Variants in IMMP2L observed in about 807,000 individuals in gnomAD.
IMMP2L encodes the protein inner mitochondrial membrane peptidase subunit 2.
Under a neutral mutation model 19.3 loss-of-function variants are expected in IMMP2L, and 18 were observed. The observed-to-expected ratio is 0.93, with a 90% CI of 0.64 to 1.38. The LOEUF is 1.38. Among genes scored for constraint, IMMP2L ranks in the 40% most tolerant of loss-of-function variants. The pLI, the probability that IMMP2L is intolerant of heterozygous loss-of-function variation, is 0.00. For synonymous variants in IMMP2L, 76 were observed against 73.0 expected, an observed-to-expected ratio of 1.04 and a Z score of -0.21; for missense variants, 233 against 218.2, an observed-to-expected ratio of 1.07 and a Z score of -0.43.
intron 3 of IMMP2L, among the ~76,000 whole-genome samples, chr7:111,208,507 G>C (rs1810963008): frequency 6.6e-6 from 1 of 152,134 alleles, no homozygotes; most frequent in Non-Finnish European, 1.5e-5. Context: ...TTACTGGCAG[G>C]TTATGAAATG....
intron 5 of IMMP2L, among the ~76,000 whole-genome samples, chr7:110,747,796 T>A (rs1797454878): frequency 6.6e-6 from 1 of 152,188 alleles, no homozygotes; most frequent in Non-Finnish European, 1.5e-5. Flanking sequence ...AATATCATAC[T>A]GAATGGGCAA....
chr7:111,460,081 C>A (rs1840007180), intron 3 of IMMP2L, among the ~76,000 whole-genome samples: 1 of 152,030 alleles, frequency 6.6e-6, no homozygotes, highest in African/African-American at 2.4e-5. Flanking sequence ...TTTTGAAATT[C>A]AGCTGTGTGG....
rs939732855 is a variant in IMMP2L, at chr7:111,065,272, C to G, written c.240-101707G>C. Reference sequence around the variant, plus strand: ...CATATCAGCATTTAAGTATTGCTAACTTTATATAATAGCATTTGGTTTGGG... The same window carrying G: ...CATATCAGCATTTAAGTATTGCTAAGTTTATATAATAGCATTTGGTTTGGG... On this transcript the variant is annotated intron_variant, in intron 3 of 5. Coordinates refer to ENST00000405709, the MANE Select transcript of IMMP2L (RefSeq NM_032549.4). Among the ~76,000 whole-genome samples, 9 of 152,104 alleles carry G rather than the reference C, an allele frequency of 5.9e-5. No individual in the cohort carries two copies. In the East Asian group the frequency reaches 1.2e-3, roughly 20 times the overall value.
At chr7:111,037,645 G>A (rs1791479569) in intron 3 of IMMP2L, among the ~76,000 whole-genome samples, 1 of 152,112 alleles carries the variant, frequency 6.6e-6, no homozygotes, top group Non-Finnish European at 1.5e-5. Context: ...AGTTGTCTTT[G>A]CTTCAAAGAA....
chr7:111,283,970 CAAAAAAA>C (rs972346409), intron 3 of IMMP2L, among the ~76,000 whole-genome samples: 31 of 48,616 alleles, frequency 6.4e-4, no homozygotes, highest in African/African-American at 2.0e-3. Flanking sequence ...GACTCCGTCT[CAAAAAAA>C]AAAAAAAAAA....
intron 5 of IMMP2L, among the ~76,000 whole-genome samples, chr7:110,812,848 CTTCT>C (rs1434385384): frequency 6.6e-6 from 1 of 151,882 alleles, no homozygotes; most frequent in Admixed American, 6.6e-5. Flanking sequence ...ATAGATGATA[CTTCT>C]TTATGTATTT....
At chr7:111,342,392 G>C (rs1413868431) in intron 3 of IMMP2L, among the ~76,000 whole-genome samples, 1 of 152,068 alleles carries the variant, frequency 6.6e-6, no homozygotes, top group Non-Finnish European at 1.5e-5. Context: ...AGGAGATCGA[G>C]ACCATCCTGG....
At chr7:111,103,404 G>A (rs1432282712) in intron 3 of IMMP2L, among the ~76,000 whole-genome samples, 1 of 151,546 alleles carries the variant, frequency 6.6e-6, no homozygotes, top group Non-Finnish European at 1.5e-5. Context: ...TAGCCACACT[G>A]ATTTGCACCT....
chr7:111,014,829 A>G (rs1825341915), intron 3 of IMMP2L, among the ~76,000 whole-genome samples: 1 of 152,208 alleles, frequency 6.6e-6, no homozygotes, highest in South Asian at 2.1e-4. Context: ...AATGCAAATC[A>G]AAACCACAGT....
intron 5 of IMMP2L, among the ~76,000 whole-genome samples, chr7:110,826,886 A>G (rs970890611): frequency 4.6e-5 from 7 of 151,962 alleles, no homozygotes; most frequent in African/African-American, 7.3e-5. Context: ...AAAAGTTAAT[A>G]ATTTTACTCC....
rs1469550556 is a variant in IMMP2L at position 110,920,514 on chromosome 7, CAGA to C, written c.306-33822_306-33820del. Among the ~76,000 whole-genome samples the C allele has an allele frequency of 5.3e-5, 8 of 152,244 alleles. No individual in the cohort carries two copies. The South Asian group carries it at 1.0e-3, about 20-fold the overall frequency. On this transcript the variant is annotated intron_variant, in intron 4 of 5. Transcript: ENST00000405709. ...AAGTGATTTGGCTTTTTGCTTTTTT[CAGA>C]AGGAGCTTCCCTTAGTATGCTCTAT... is the stretch of plus-strand genomic sequence containing the variant.
intron 3 of IMMP2L, among the ~76,000 whole-genome samples, chr7:111,041,054 T>A (rs1791847021): frequency 6.6e-6 from 1 of 152,134 alleles, no homozygotes; most frequent in African/African-American, 2.4e-5. Context: ...TGAGTTATCA[T>A]TCCCAGCTAG....
chr7:111,480,260 T>C (rs1842065905), intron 3 of IMMP2L, among the ~76,000 whole-genome samples: 1 of 151,872 alleles, frequency 6.6e-6, no homozygotes, highest in African/African-American at 2.4e-5. Context: ...ATTTTTTGTA[T>C]TTTTAGTAGA....
chr7:110,828,658 G>A (rs1202029228), intron 5 of IMMP2L, among the ~76,000 whole-genome samples: 1 of 152,088 alleles, frequency 6.6e-6, no homozygotes, highest in Admixed American at 6.6e-5. Flanking sequence ...GATGGGGCAA[G>A]CCTAGTCTAC....
intron 3 of IMMP2L, among the ~76,000 whole-genome samples, chr7:111,197,450 G>C (rs552905078): frequency 1.3e-5 from 2 of 152,052 alleles, no homozygotes; most frequent in African/African-American, 4.8e-5. Context: ...GCAACAGAGC[G>C]AGACTCCATC....
intron 3 of IMMP2L, among the ~76,000 whole-genome samples, chr7:111,070,360 G>C (rs776134832): frequency 1.3e-5 from 2 of 152,092 alleles, no homozygotes; most frequent in Non-Finnish European, 2.9e-5. Flanking sequence ...CACTGCTTCT[G>C]TCATGGCAAA....
chr7:111,113,610 T>C (rs1799499667), intron 3 of IMMP2L, among the ~76,000 whole-genome samples: 1 of 151,620 alleles, frequency 6.6e-6, no homozygotes. Flanking sequence ...TATTTGGCTA[T>C]CTTCCAATAA....
At chr7:111,137,215 T>C (rs214855) in intron 3 of IMMP2L, among the ~76,000 whole-genome samples, 8,566 of 152,202 alleles carry the variant, frequency 0.056, 465 homozygotes, top group African/African-American at 0.14. Context: ...ATAGCATTTA[T>C]AGTGGTATAA....
intron 5 of IMMP2L, among the ~76,000 whole-genome samples, chr7:110,721,992 G>A (rs1284515518): frequency 6.6e-6 from 1 of 152,082 alleles, no homozygotes; most frequent in African/African-American, 2.4e-5. Flanking sequence ...CACAGCTGTG[G>A]GAAGGATTGA....
Sources: gnomAD v4.1 joint callset for allele counts (sites outside exome capture counted in the v4.1 genomes callset) on GRCh38, gnomAD v4.1.1 for gene constraint, MANE v1.5 for transcripts, NCBI Gene and HGNC (gene_info 2026-07-23, HGNC 2026-07-21) for gene names.